Variants in PDE1C observed in about 807,000 individuals in gnomAD.
PDE1C encodes phosphodiesterase 1C, also known as dual specificity calcium/calmodulin-dependent 3',5'-cyclic nucleotide phosphodiesterase 1C.
In PDE1C, 62 loss-of-function variants were observed where a neutral mutation model predicts 93.1. That is an observed-to-expected ratio of 0.67 (90% confidence interval 0.54 to 0.82). The LOEUF is 0.82. Among genes scored for constraint, PDE1C ranks in the 40% least tolerant of loss-of-function variants. The probability of loss-of-function intolerance (pLI) is 0.00; values close to 1 mark genes in which losing one functional copy is unlikely to be tolerated. For synonymous variants in PDE1C, 325 were observed against 310.1 expected, an observed-to-expected ratio of 1.05 and a Z score of -0.50; for missense variants, 742 against 884.6, an observed-to-expected ratio of 0.84 and a Z score of 2.04.
intron 16 of PDE1C, among the ~76,000 whole-genome samples, chr7:31,806,627 A>G (rs1248751028): frequency 1.3e-5 from 2 of 151,906 alleles, no homozygotes; most frequent in African/African-American, 4.8e-5. Flanking sequence ...TTCAGCACAT[A>G]CTACTTCCCC....
chr7:32,283,597 C>T (rs541993104), intron 1 of PDE1C, among the ~76,000 whole-genome samples: 15 of 152,292 alleles, frequency 9.8e-5, no homozygotes, highest in Admixed American at 9.8e-4. Flanking sequence ...AAAGAAAGCA[C>T]CATGGATCCA....
At chr7:31,769,990 TCTAAAG>T (rs552941722) in intron 17 of PDE1C, among the ~76,000 whole-genome samples, 1 of 152,240 alleles carries the variant, frequency 6.6e-6, no homozygotes, top group Non-Finnish European at 1.5e-5. Context: ...CAAACTGTGT[TCTAAAG>T]TGGCTGCACC....
intron 2 of PDE1C, among the ~76,000 whole-genome samples, chr7:32,016,980 C>T (rs1243780659): frequency 6.6e-6 from 1 of 152,142 alleles, no homozygotes; most frequent in East Asian, 1.9e-4. Context: ...ACATTTACTA[C>T]CTGTATGACC....
chr7:31,711,575 C>CA, the PDE1C span, among the ~76,000 whole-genome samples: 1 of 152,140 alleles, frequency 6.6e-6, no homozygotes, highest in African/African-American at 2.4e-5. Context: ...GTAAATTATA[C>CA]AAGTGCTTTC....
the PDE1C span, among the ~76,000 whole-genome samples, chr7:31,694,355 A>G: frequency 7.1e-6 from 1 of 141,340 alleles, no homozygotes; most frequent in Non-Finnish European, 1.5e-5. Context: ...CTTTGCAAAC[A>G]TTAACAATTT....
chr7:31,780,323 T>C (rs1488238073), intron 16 of PDE1C, among the ~76,000 whole-genome samples: 2 of 152,230 alleles, frequency 1.3e-5, no homozygotes, highest in African/African-American at 2.4e-5. Context: ...GTGAATCTTG[T>C]AAATGGTTTA....
At chr7:32,098,383 G>A (rs529914703) in intron 3 of PDE1C, among the ~76,000 whole-genome samples, 1 of 152,050 alleles carries the variant, frequency 6.6e-6, no homozygotes, top group East Asian at 1.9e-4. Context: ...TCTCTTTAAG[G>A]ACAGAGAAAT....
intron 2 of PDE1C, among the ~76,000 whole-genome samples, chr7:32,032,472 G>A (rs1790458469): frequency 6.6e-6 from 1 of 152,168 alleles, no homozygotes; most frequent in Non-Finnish European, 1.5e-5. Context: ...CAGGGCATCT[G>A]TTCACTGCTA....
intron 2 of PDE1C, among the ~76,000 whole-genome samples, chr7:31,959,176 ATTTGTTT>A (rs746754522): frequency 1.5e-4 from 22 of 151,672 alleles, no homozygotes; most frequent in Admixed American, 2.0e-4. Context: ...ATTTTGGTCA[ATTTGTTT>A]TTTGTTTTTT....
chr7:32,393,650 A>C (rs980832372), intron 1 of PDE1C, among the ~76,000 whole-genome samples: 1 of 152,206 alleles, frequency 6.6e-6, no homozygotes, highest in East Asian at 1.9e-4. Flanking sequence ...CTTCAATTCT[A>C]GGAGCCTAAA....
the PDE1C span, among the ~76,000 whole-genome samples, chr7:31,617,794 G>A: frequency 9.7e-4 from 147 of 151,494 alleles, 1 homozygote; most frequent in African/African-American, 3.5e-3. Context: ...AAGATAAAAT[G>A]AAAATGAAGA....
intron 2 of PDE1C, among the ~76,000 whole-genome samples, chr7:32,202,328 C>A (rs1419301064): frequency 1.3e-5 from 2 of 152,156 alleles, no homozygotes; most frequent in African/African-American, 4.8e-5. Context: ...CTGCCCCTTA[C>A]CCCCATACAC....
chr7:31,872,436 CAAA>C (rs1796058820), intron 6 of PDE1C, among the ~76,000 whole-genome samples: 1 of 152,038 alleles, frequency 6.6e-6, no homozygotes, highest in African/African-American at 2.4e-5. Flanking sequence ...ATGGACACCC[CAAA>C]AACCCTGACT....
the PDE1C span, among the ~76,000 whole-genome samples, chr7:31,644,430 C>T: frequency 6.6e-6 from 1 of 152,180 alleles, no homozygotes; most frequent in Non-Finnish European, 1.5e-5. Context: ...AGCACTCAGC[C>T]CAGCATGTGG....
intron 1 of PDE1C, among the ~76,000 whole-genome samples, chr7:32,330,002 A>C (rs1466413222): frequency 6.6e-6 from 1 of 152,244 alleles, no homozygotes; most frequent in African/African-American, 2.4e-5. Flanking sequence ...GCAACTCAGC[A>C]GACGTTGCCC....
At chr7:32,271,740 AT>A (rs1810980624) in intron 1 of PDE1C, among the ~76,000 whole-genome samples, 1 of 152,228 alleles carries the variant, frequency 6.6e-6, no homozygotes, top group Non-Finnish European at 1.5e-5. Flanking sequence ...TATGATAATA[AT>A]AATAACACAT....
intron 1 of PDE1C, among the ~76,000 whole-genome samples, chr7:32,386,954 T>C (rs988232309): frequency 5.3e-5 from 8 of 150,884 alleles, no homozygotes; most frequent in Non-Finnish European, 8.9e-5. Context: ...AGGACAATAG[T>C]GGAGGGAAGG....
intron 16 of PDE1C, among the ~76,000 whole-genome samples, chr7:31,800,914 A>T (rs1785931778): frequency 6.6e-6 from 1 of 151,384 alleles, no homozygotes; most frequent in African/African-American, 2.4e-5. Context: ...AGGTCAATGT[A>T]GATACCAAAT....
chr7:32,178,701 T>A (rs944850725), intron 2 of PDE1C, among the ~76,000 whole-genome samples: 2 of 152,156 alleles, frequency 1.3e-5, no homozygotes, highest in Admixed American at 6.5e-5. Context: ...CTTTGACTTG[T>A]TCCTGACTCT....
Sources: gnomAD v4.1 joint callset for allele counts (sites outside exome capture counted in the v4.1 genomes callset) on GRCh38, gnomAD v4.1.1 for gene constraint, MANE v1.5 for transcripts, NCBI Gene and HGNC (gene_info 2026-07-23, HGNC 2026-07-21) for gene names.